BMPER: variants seen among roughly 807,000 people sequenced by gnomAD.
The protein encoded by BMPER is BMP binding endothelial regulator, also known as BMP-binding endothelial regulator protein.
In BMPER, 45 loss-of-function variants were observed where a neutral mutation model predicts 87.3. The ratio of observed to expected loss-of-function variants is 0.52; its 90% CI spans 0.41 to 0.66. The LOEUF (loss-of-function observed/expected upper bound fraction) is 0.66. BMPER is among the 30% of genes least tolerant of loss of function. BMPER has a pLI of 0.00. For synonymous variants in BMPER, 326 were observed against 316.2 expected (o/e 1.03, Z -0.33); for missense variants, 784 against 867.5 (o/e 0.90, Z 1.21).
chr7:33,985,019 CTA>C (rs1312057494), intron 6 of BMPER, among the ~76,000 whole-genome samples: 2 of 152,204 alleles, frequency 1.3e-5, no homozygotes, highest in African/African-American at 4.8e-5. Flanking sequence ...GTGTTACACA[CTA>C]TGTTAGGCCC....
chr7:34,122,375 T>A (rs1345310876), intron 13 of BMPER, among the ~76,000 whole-genome samples: 1 of 152,174 alleles, frequency 6.6e-6, no homozygotes, highest in Non-Finnish European at 1.5e-5. Flanking sequence ...ATTCAAATCA[T>A]CTGAGATCTT....
intron 3 of BMPER, among the ~76,000 whole-genome samples, chr7:33,949,858 C>T (rs560547156): frequency 6.6e-6 from 1 of 152,294 alleles, no homozygotes; most frequent in South Asian, 2.1e-4. Context: ...TAAAATGTTA[C>T]AATTCATAGA....
Position 34,032,065 on chromosome 7 carries a change from T to C in BMPER, c.577-14241T>C, listed in dbSNP as rs552316346. On this transcript the variant is annotated intron_variant, in intron 6 of 14. Coordinates refer to ENST00000649409, the MANE Select transcript of BMPER (RefSeq NM_001365308.1). ...TATTGAGCATTTACTATGTGCCAGA[T>C]ACTGAATTAAAAGCTTTACCTCAGT... is the stretch of plus-strand genomic sequence containing the variant. 3.3e-5 allele frequency among the ~76,000 whole-genome samples: 5 copies of C among 150,728 alleles called. No individual in the cohort carries two copies. The East Asian group carries it at 9.8e-4, about 29-fold the overall frequency.
intron 13 of BMPER, among the ~76,000 whole-genome samples, chr7:34,086,389 A>G (rs1789210874): frequency 6.6e-6 from 1 of 152,152 alleles, no homozygotes; most frequent in Admixed American, 6.5e-5. Flanking sequence ...GTGTTAGCTT[A>G]ACTCTAAGAT....
intron 13 of BMPER, among the ~76,000 whole-genome samples, chr7:34,140,030 T>G (rs1051731358): frequency 6.6e-6 from 1 of 152,190 alleles, no homozygotes; most frequent in African/African-American, 2.4e-5. Context: ...AAAGATCGAA[T>G]GTAGTTACTG....
chr7:33,909,680 C>CAAAAAAAAA (rs60327948), intron 2 of BMPER, among the ~76,000 whole-genome samples: 1 of 53,508 alleles, frequency 1.9e-5, no homozygotes, highest in Non-Finnish European at 3.8e-5. Context: ...ATAACATGTA[C>CAAAAAAAAA]AAAAAAAAAA....
intron 2 of BMPER, among the ~76,000 whole-genome samples, chr7:33,909,168 T>C (rs1314408852): frequency 1.3e-5 from 2 of 152,232 alleles, no homozygotes; most frequent in Non-Finnish European, 2.9e-5. Context: ...CAAAACTCCT[T>C]TGAGGGCTTT....
At chr7:33,924,136 G>T (rs1362276819) in intron 2 of BMPER, among the ~76,000 whole-genome samples, 1 of 152,148 alleles carries the variant, frequency 6.6e-6, no homozygotes, top group Non-Finnish European at 1.5e-5. Flanking sequence ...GACATCAGCT[G>T]CATGGCTCCA....
chr7:33,970,342 C>T lies in BMPER; in HGVS notation c.416C>T (p.Thr139Ile), dbSNP rs868447365. Residue 139 changes from threonine to isoleucine, a missense_variant, in exon 5 of 15, where the codon ACA becomes ATA. Physicochemically the swap from Thr to Ile is moderately conservative, Grantham distance 89. Coordinates refer to ENST00000649409, the MANE Select transcript of BMPER (RefSeq NM_001365308.1). ...TCTGTGTTTCAGGAGGGCGTTGTCA[C>T]AGAGTCTGGGGTGCGCTGTGTTGTT... ...VLRQCQEGVV[T>I]ESGVRCVVHC... 6.2e-7 allele frequency: 1 copy of T among 1,614,114 alleles called. No homozygotes were observed. The highest frequency in any genetic ancestry group is 1.6e-4 in the Middle Eastern group (1 of 6,062).
intron 13 of BMPER, among the ~76,000 whole-genome samples, chr7:34,142,337 A>G (rs1490549882): frequency 4.6e-5 from 7 of 152,136 alleles, no homozygotes; most frequent in Non-Finnish European, 8.8e-5. Flanking sequence ...TTGTAAAATG[A>G]CCCCTTCATT....
chr7:34,063,503 G>C (rs1788497386), intron 11 of BMPER, among the ~76,000 whole-genome samples: 1 of 152,082 alleles, frequency 6.6e-6, no homozygotes, highest in African/African-American at 2.4e-5. Context: ...TGGAAAAAAT[G>C]CTGGTTGAAT....
chr7:34,090,187 T>C (rs1039969800), intron 13 of BMPER, among the ~76,000 whole-genome samples: 3 of 152,242 alleles, frequency 2.0e-5, no homozygotes, highest in Non-Finnish European at 4.4e-5. Context: ...ATAACCCTCT[T>C]TAATAATTGT....
At chr7:34,053,268 C>T (rs1788192873) in intron 8 of BMPER, among the ~76,000 whole-genome samples, 1 of 152,118 alleles carries the variant, frequency 6.6e-6, no homozygotes, top group Admixed American at 6.5e-5. Context: ...ATATTAAATG[C>T]TTGAAAAATC....
chr7:34,113,495 TTAATC>T (rs1375189538), intron 13 of BMPER, among the ~76,000 whole-genome samples: 1 of 132,754 alleles, frequency 7.5e-6, no homozygotes, highest in Non-Finnish European at 1.6e-5. Flanking sequence ...TTTTAAATCT[TTAATC>T]TATCTGGAAT....
At chr7:34,090,723 A>G (rs1393190519) in intron 13 of BMPER, among the ~76,000 whole-genome samples, 1 of 152,230 alleles carries the variant, frequency 6.6e-6, no homozygotes, top group African/African-American at 2.4e-5. Context: ...TAACTTGCCC[A>G]CAAAGCAGAA....
At chr7:34,071,658 T>C (rs1350944073) in intron 11 of BMPER, among the ~76,000 whole-genome samples, 2 of 151,826 alleles carry the variant, frequency 1.3e-5, no homozygotes, top group African/African-American at 4.8e-5. Context: ...GTGGCAAAAA[T>C]GCATCTTCTG....
At chr7:33,930,712 T>G (rs935466131) in intron 2 of BMPER, among the ~76,000 whole-genome samples, 1 of 152,068 alleles carries the variant, frequency 6.6e-6, no homozygotes, top group Non-Finnish European at 1.5e-5. Context: ...GAGGCCGAGG[T>G]GGAGGATCAC....
intron 6 of BMPER, among the ~76,000 whole-genome samples, chr7:34,005,736 A>G (rs904431225): frequency 1.3e-5 from 2 of 151,968 alleles, no homozygotes; most frequent in African/African-American, 4.8e-5. Flanking sequence ...TTGTTGACAG[A>G]GTTCTTATTG....
At chr7:34,095,630 T>C (rs1789508922) in intron 13 of BMPER, among the ~76,000 whole-genome samples, 1 of 152,224 alleles carries the variant, frequency 6.6e-6, no homozygotes, top group Non-Finnish European at 1.5e-5. Flanking sequence ...CTGAGAAAAG[T>C]GAAAGAACTT....
Sources: gnomAD v4.1 joint callset for allele counts (sites outside exome capture counted in the v4.1 genomes callset) on GRCh38, gnomAD v4.1.1 for gene constraint, MANE v1.5 for transcripts, NCBI Gene and HGNC (gene_info 2026-07-23, HGNC 2026-07-21) for gene names.